PDE11A: variants seen among roughly 807,000 people sequenced by gnomAD.
PDE11A encodes dual 3',5'-cyclic-AMP and -GMP phosphodiesterase 11A.
A neutral mutation model predicts 100.5 loss-of-function variants in PDE11A; 100 were observed. The ratio of observed to expected loss-of-function variants is 1.00; its 90% CI spans 0.85 to 1.18. PDE11A has a LOEUF of 1.18. PDE11A is among the 50% of genes most tolerant of loss of function. PDE11A has a pLI of 0.00. For synonymous variants in PDE11A, 381 were observed against 420.8 expected (o/e 0.91, Z 1.16); for missense variants, 1,141 against 1,152.6 (o/e 0.99, Z 0.15).
At chr2:177,990,477 C>A (rs1479312347) in intron 2 of PDE11A, among the ~76,000 whole-genome samples, 1 of 152,116 alleles carries the variant, frequency 6.6e-6, no homozygotes, top group East Asian at 1.9e-4. Context: ...CAGTGGCTCA[C>A]ACCTGTAATC....
intron 4 of PDE11A, among the ~76,000 whole-genome samples, chr2:177,877,924 G>C (rs1003778375): frequency 2.0e-5 from 3 of 152,120 alleles, no homozygotes; most frequent in Non-Finnish European, 2.9e-5. Flanking sequence ...TGCTTCAAAG[G>C]CCTTTTAAAT....
At chr2:177,969,134 TGGAAGCCA>T (rs2085736711) in intron 2 of PDE11A, among the ~76,000 whole-genome samples, 1 of 152,192 alleles carries the variant, frequency 6.6e-6, no homozygotes, top group Non-Finnish European at 1.5e-5. Context: ...TGAATGAAGC[TGGAAGCCA>T]TCATTCTCAG....
intron 15 of PDE11A, among the ~76,000 whole-genome samples, chr2:177,696,277 T>C (rs16865642): frequency 6.6e-6 from 1 of 151,938 alleles, no homozygotes; most frequent in Non-Finnish European, 1.5e-5. Context: ...AACATAAATA[T>C]AGGTAACATA....
chr2:177,800,345 C>T (rs4893989), intron 9 of PDE11A, among the ~76,000 whole-genome samples: 123,688 of 151,158 alleles, frequency 0.82, 50,877 homozygotes, highest in East Asian at 0.98. Context: ...AATTTTTTTT[C>T]CCTTTTGTAG....
chr2:178,030,273 C>G (rs570510869), intron 1 of PDE11A, among the ~76,000 whole-genome samples: 1 of 151,856 alleles, frequency 6.6e-6, no homozygotes, highest in Non-Finnish European at 1.5e-5. Flanking sequence ...CAACTTTGTG[C>G]CAATAAATTT....
chr2:177,760,678 G>A (rs1393170287), intron 10 of PDE11A, among the ~76,000 whole-genome samples: 1 of 152,144 alleles, frequency 6.6e-6, no homozygotes, highest in Non-Finnish European at 1.5e-5. Flanking sequence ...TAACCAAAAG[G>A]TCTGGTGGTT....
chr2:177,797,378 A>C (rs751645010), intron 9 of PDE11A, among the ~76,000 whole-genome samples: 4 of 152,184 alleles, frequency 2.6e-5, no homozygotes, highest in Non-Finnish European at 5.9e-5. Flanking sequence ...AACCTTTCTG[A>C]GCCTCAATTT....
chr2:177,997,798 G>C, intron 2 of PDE11A: 1 of 1,306,218 alleles, frequency 7.7e-7, no homozygotes, highest in Admixed American at 1.7e-5. Context: ...TCCATTTTCT[G>C]CTTCTTCTGG....
chr2:177,945,988 G>A (rs368928720), intron 2 of PDE11A, among the ~76,000 whole-genome samples: 1,494 of 128,494 alleles, frequency 0.012, no homozygotes, highest in South Asian at 0.031. Context: ...CAGCCACCCC[G>A]TCCAGGAGGG....
chr2:177,970,194 C>G (rs893997215), intron 2 of PDE11A, among the ~76,000 whole-genome samples: 2 of 152,070 alleles, frequency 1.3e-5, no homozygotes, highest in Admixed American at 1.3e-4. Flanking sequence ...CATTCAAATG[C>G]CATGCTAAAA....
At chr2:177,765,280 C>G (rs1044684714) in intron 10 of PDE11A, among the ~76,000 whole-genome samples, 1 of 152,338 alleles carries the variant, frequency 6.6e-6, no homozygotes, top group African/African-American at 2.4e-5. Flanking sequence ...AAGATGGCAT[C>G]AGCCTAGCAT....
At chr2:177,965,473 C>G (rs949070938) in intron 2 of PDE11A, among the ~76,000 whole-genome samples, 1 of 152,054 alleles carries the variant, frequency 6.6e-6, no homozygotes, top group Non-Finnish European at 1.5e-5. Context: ...AGGTTTTCTT[C>G]TAGGGTTTTA....
intron 9 of PDE11A, among the ~76,000 whole-genome samples, chr2:177,802,742 T>C (rs1450567812): frequency 6.6e-6 from 1 of 151,998 alleles, no homozygotes; most frequent in African/African-American, 2.4e-5. Context: ...GGTGATAATA[T>C]ATCAAGACAT....
At chr2:177,651,662 A>T (rs895407573) in intron 19 of PDE11A, among the ~76,000 whole-genome samples, 1 of 151,790 alleles carries the variant, frequency 6.6e-6, no homozygotes, top group Non-Finnish European at 1.5e-5. Context: ...CTCTTTCTGT[A>T]TGTCTCTGTT....
At chr2:177,894,223 GA>G in intron 4 of PDE11A, among the ~76,000 whole-genome samples, 1 of 152,292 alleles carries the variant, frequency 6.6e-6, no homozygotes, top group African/African-American at 2.4e-5. Context: ...CCTTTGGTGA[GA>G]AGTGTATTAA....
chr2:177,726,191 G>A (rs2081597327), intron 12 of PDE11A, among the ~76,000 whole-genome samples: 1 of 152,078 alleles, frequency 6.6e-6, no homozygotes, highest in South Asian at 2.1e-4. Context: ...GGATGCAACA[G>A]AAGAATGGAA....
chr2:177,636,449 G>T (rs142863569), intron 19 of PDE11A, among the ~76,000 whole-genome samples: 139 of 152,278 alleles, frequency 9.1e-4, no homozygotes, highest in Admixed American at 1.4e-3. Context: ...GGTGTTTTCA[G>T]TGTGTTTCAT....
intron 13 of PDE11A, among the ~76,000 whole-genome samples, chr2:177,711,095 G>A (rs542130953): frequency 2.6e-5 from 4 of 152,344 alleles, no homozygotes; most frequent in Admixed American, 2.0e-4. Flanking sequence ...CATAAGTTCT[G>A]TGGCCTTGGC....
chr2:178,045,925 A>G (rs1296757149), intron 1 of PDE11A, among the ~76,000 whole-genome samples: 1 of 152,172 alleles, frequency 6.6e-6, no homozygotes, highest in East Asian at 1.9e-4. Flanking sequence ...TGTGAACAGA[A>G]CCTGAATGTA....
Sources: gnomAD v4.1 joint callset for allele counts (sites outside exome capture counted in the v4.1 genomes callset) on GRCh38, gnomAD v4.1.1 for gene constraint, MANE v1.5 for transcripts, NCBI Gene and HGNC (gene_info 2026-07-23, HGNC 2026-07-21) for gene names.